The following CLIC5 variants were observed in gnomAD, a reference collection of about 807,000 sequenced individuals.
CLIC5 encodes the protein chloride intracellular channel protein 5.
CLIC5 carries 20 observed loss-of-function variants against 24.7 expected under a neutral mutation model. The ratio of observed to expected loss-of-function variants is 0.81; its 90% CI spans 0.57 to 1.18. The LOEUF (loss-of-function observed/expected upper bound fraction) is 1.18, where lower values mean the gene tolerates loss of function less well. Among genes scored for constraint, CLIC5 ranks in the 50% most tolerant of loss-of-function variants. The pLI is 0.00. For missense variants in CLIC5, 341 were observed against 326.1 expected (o/e 1.05, Z -0.35); for synonymous variants, 159 against 135.6 (o/e 1.17, Z -1.20).
intron 2 of CLIC5, among the ~76,000 whole-genome samples, chr6:45,951,290 G>T (rs942357749): frequency 1.3e-5 from 2 of 152,182 alleles, no homozygotes; most frequent in Non-Finnish European, 2.9e-5. Context: ...TGAAAGAAAG[G>T]CCTAGATGAT....
At chr6:45,971,093 C>T (rs1765185567) in intron 1 of CLIC5, among the ~76,000 whole-genome samples, 1 of 152,178 alleles carries the variant, frequency 6.6e-6, no homozygotes, top group Admixed American at 6.5e-5. Context: ...TTCTGTAAGT[C>T]TTAGAATTTG....
At chr6:45,992,030 C>T (rs1535108) in intron 1 of CLIC5, among the ~76,000 whole-genome samples, 90,127 of 152,064 alleles carry the variant, frequency 0.59, 27,072 homozygotes, top group East Asian at 0.78. Context: ...AGATGGGCAT[C>T]AGAATAAGGT....
chr6:46,026,620 G>C (rs1164709735), intron 1 of CLIC5, among the ~76,000 whole-genome samples: 2 of 152,142 alleles, frequency 1.3e-5, no homozygotes, highest in East Asian at 3.9e-4. Flanking sequence ...GGAGAAGGCA[G>C]AAAGTTCTTC....
chr6:46,064,175 T>C (rs924394596), intron 1 of CLIC5, among the ~76,000 whole-genome samples: 1 of 152,056 alleles, frequency 6.6e-6, no homozygotes, highest in Non-Finnish European at 1.5e-5. Flanking sequence ...GAATTGACAA[T>C]AAATTCAACA....
chr6:45,950,834 A>G (rs1490862258), intron 2 of CLIC5, among the ~76,000 whole-genome samples: 1 of 152,150 alleles, frequency 6.6e-6, no homozygotes, highest in Non-Finnish European at 1.5e-5. Context: ...TATTTTGAGA[A>G]CATTTACTAG....
chr6:45,970,538 A>G (rs1398433548), intron 1 of CLIC5, among the ~76,000 whole-genome samples: 3 of 152,230 alleles, frequency 2.0e-5, no homozygotes, highest in African/African-American at 4.8e-5. Context: ...CTCCCATAAA[A>G]AAATAAACCT....
intron 4 of CLIC5, among the ~76,000 whole-genome samples, chr6:45,924,916 A>C (rs544208863): frequency 6.6e-6 from 1 of 152,322 alleles, no homozygotes; most frequent in Admixed American, 6.5e-5. Context: ...TGGGAAAGAT[A>C]AGATAGATGC....
chr6:45,917,440 G>C (rs1456440183), intron 4 of CLIC5, among the ~76,000 whole-genome samples: 1 of 152,150 alleles, frequency 6.6e-6, no homozygotes, highest in African/African-American at 2.4e-5. Context: ...AAGGTGCAGT[G>C]GAGAATGGGT....
chr6:45,917,802 C>A (rs537539595), intron 4 of CLIC5, among the ~76,000 whole-genome samples: 1 of 152,164 alleles, frequency 6.6e-6, no homozygotes, highest in African/African-American at 2.4e-5. Flanking sequence ...GGTCATGAAA[C>A]TATTTGAACT....
At chr6:45,910,177 AG>A (rs1189334974) in intron 5 of CLIC5, among the ~76,000 whole-genome samples, 1 of 152,086 alleles carries the variant, frequency 6.6e-6, no homozygotes, top group Non-Finnish European at 1.5e-5. Context: ...TAGCAATCAC[AG>A]GTTCTTCACT....
chr6:45,885,797 C>T (rs1762300473), intron 6 of CLIC5, among the ~76,000 whole-genome samples: 1 of 152,130 alleles, frequency 6.6e-6, no homozygotes, highest in Admixed American at 6.6e-5. Flanking sequence ...ACTTTAGGAA[C>T]ATATATATTC....
chr6:45,918,415 A>G (rs1210874330), intron 4 of CLIC5, among the ~76,000 whole-genome samples: 4 of 152,222 alleles, frequency 2.6e-5, no homozygotes, highest in African/African-American at 9.6e-5. Context: ...AGTTCTTGCA[A>G]GAACAGCTCA....
chr6:46,058,280 AT>A (rs1426382498), intron 1 of CLIC5, among the ~76,000 whole-genome samples: 1 of 152,146 alleles, frequency 6.6e-6, no homozygotes, highest in Non-Finnish European at 1.5e-5. Flanking sequence ...TTTAGAGGGA[AT>A]TTTCCATCTC....
intron 1 of CLIC5, among the ~76,000 whole-genome samples, chr6:46,072,296 G>GA: frequency 6.6e-6 from 1 of 151,856 alleles, no homozygotes; most frequent in South Asian, 2.1e-4. Context: ...GGGGAGGGGG[G>GA]ATCCTAGGGA....
At chr6:45,958,869 G>A (rs1764755628) in intron 1 of CLIC5, among the ~76,000 whole-genome samples, 1 of 152,076 alleles carries the variant, frequency 6.6e-6, no homozygotes, top group Non-Finnish European at 1.5e-5. Flanking sequence ...GATGCATGCT[G>A]AGGGGAGGGT....
chr6:45,883,055 CT>C (rs2127279971), intron 6 of CLIC5, among the ~76,000 whole-genome samples: 1 of 152,322 alleles, frequency 6.6e-6, no homozygotes, highest in African/African-American at 2.4e-5. Flanking sequence ...AGATTCCGAG[CT>C]GGTGGGCAGG....
chr6:45,928,766 A>ATGTG (rs1763602926), intron 4 of CLIC5, among the ~76,000 whole-genome samples: 1 of 67,962 alleles, frequency 1.5e-5, no homozygotes, highest in African/African-American at 8.4e-5. Context: ...CGAAGTGCAT[A>ATGTG]AGTGTGTGTG....
At chr6:46,011,346 G>A (rs114227793) in intron 1 of CLIC5, among the ~76,000 whole-genome samples, 195 of 152,340 alleles carry the variant, frequency 1.3e-3, no homozygotes, top group African/African-American at 4.4e-3. Context: ...CTATGTCAGC[G>A]GTGGCAGAAG....
At chr6:45,935,127 A>G (rs138249732) in intron 4 of CLIC5, among the ~76,000 whole-genome samples, 1 of 152,370 alleles carries the variant, frequency 6.6e-6, no homozygotes, top group East Asian at 1.9e-4. Context: ...TTCAAATGGC[A>G]GATTGAGGGT....
Sources: allele counts gnomAD v4.1 joint callset (sites outside exome capture counted in the v4.1 genomes callset), GRCh38; gene constraint gnomAD v4.1.1; transcripts MANE v1.5; gene names NCBI Gene and HGNC (gene_info 2026-07-23, HGNC 2026-07-21).